Variants in KCNIP4 observed in about 807,000 individuals in gnomAD.
KCNIP4 encodes the protein Kv channel-interacting protein 4.
A neutral mutation model predicts 34.0 loss-of-function variants in KCNIP4; 12 were observed. That is an observed-to-expected ratio of 0.35 (90% CI 0.23 to 0.57). The LOEUF (loss-of-function observed/expected upper bound fraction) is 0.57. Among genes scored for constraint, KCNIP4 ranks in the 20% least tolerant of loss-of-function variants. KCNIP4 has a pLI of 0.83. For missense variants in KCNIP4, 238 were observed against 311.7 expected, an observed-to-expected ratio of 0.76 and a Z score of 1.78; for synonymous variants, 124 against 102.2, an observed-to-expected ratio of 1.21 and a Z score of -1.29.
At chr4:21,437,313 C>T (rs548963049) in intron 1 of KCNIP4, among the ~76,000 whole-genome samples, 1 of 152,192 alleles carries the variant, frequency 6.6e-6, no homozygotes, top group African/African-American at 2.4e-5. Flanking sequence ...ACAATAACAA[C>T]AAAAAATTTC....
At chr4:21,431,320 C>G (rs904776911) in intron 1 of KCNIP4, among the ~76,000 whole-genome samples, 2 of 151,984 alleles carry the variant, frequency 1.3e-5, no homozygotes, top group African/African-American at 4.8e-5. Context: ...TTCTTGAGAA[C>G]ATTCCAACCA....
At chr4:21,016,049 T>C (rs942890399) in intron 1 of KCNIP4, among the ~76,000 whole-genome samples, 5 of 147,564 alleles carry the variant, frequency 3.4e-5, no homozygotes, top group Non-Finnish European at 6.0e-5. Flanking sequence ...AAAAAACAAA[T>C]TGAAATTACA....
chr4:21,095,239 G>A (rs1747359495), intron 1 of KCNIP4, among the ~76,000 whole-genome samples: 1 of 152,220 alleles, frequency 6.6e-6, no homozygotes, highest in African/African-American at 2.4e-5. Flanking sequence ...CACAGGGAAT[G>A]TAGTGAGCAA....
chr4:21,287,155 A>AGT (rs1763170805), intron 1 of KCNIP4, among the ~76,000 whole-genome samples: 1 of 152,216 alleles, frequency 6.6e-6, no homozygotes, highest in Non-Finnish European at 1.5e-5. Flanking sequence ...TTGCTCCAGT[A>AGT]GTGCTATACT....
chr4:21,145,158 G>A (rs765664054), intron 1 of KCNIP4, among the ~76,000 whole-genome samples: 67 of 151,956 alleles, frequency 4.4e-4, no homozygotes, highest in Non-Finnish European at 8.5e-4. Context: ...ACCCTTCCCC[G>A]CTCTAAACTC....
chr4:21,115,073 T>A, intron 1 of KCNIP4, among the ~76,000 whole-genome samples: 1 of 152,214 alleles, frequency 6.6e-6, no homozygotes, highest in Non-Finnish European at 1.5e-5. Context: ...CTTAAAGTTC[T>A]TACAAGGGCC....
At chr4:20,836,824 T>C (rs1025480726) in intron 3 of KCNIP4, among the ~76,000 whole-genome samples, 4 of 152,080 alleles carry the variant, frequency 2.6e-5, no homozygotes, top group African/African-American at 9.7e-5. Context: ...CATCATACTT[T>C]CCTTAGGTCT....
intron 1 of KCNIP4, among the ~76,000 whole-genome samples, chr4:21,519,730 GTATA>G (rs750066720): frequency 4.2e-5 from 5 of 119,426 alleles, no homozygotes; most frequent in East Asian, 3.0e-4. Flanking sequence ...ACACACGTGT[GTATA>G]TGTATGATAC....
intron 1 of KCNIP4, among the ~76,000 whole-genome samples, chr4:21,234,418 T>TATATATTACATATAACGTATACA (rs1759168758): frequency 1.1e-5 from 1 of 94,656 alleles, no homozygotes; most frequent in African/African-American, 6.6e-5. Flanking sequence ...TAACATATAC[T>TATATATTACATATAACGTATACA]ATATATATTA....
intron 1 of KCNIP4, among the ~76,000 whole-genome samples, chr4:21,308,622 C>A (rs1712755733): frequency 6.6e-6 from 1 of 152,132 alleles, no homozygotes; most frequent in African/African-American, 2.4e-5. Context: ...GCATAAGTAA[C>A]CCAACACTTG....
At chr4:21,641,076 T>C (rs1484395648) in intron 1 of KCNIP4, among the ~76,000 whole-genome samples, 1 of 152,228 alleles carries the variant, frequency 6.6e-6, no homozygotes. Flanking sequence ...GGCCGTTACC[T>C]GTCCTACCAC....
chr4:21,354,336 TA>T (rs1482457946), intron 1 of KCNIP4, among the ~76,000 whole-genome samples: 2 of 152,268 alleles, frequency 1.3e-5, no homozygotes, highest in Non-Finnish European at 2.9e-5. Context: ...ATGCCCCAAT[TA>T]AAAGACATAG....
chr4:21,282,459 AGTGTGTGTGTGTGTGTGT>A (rs34143880), intron 1 of KCNIP4, among the ~76,000 whole-genome samples: 13 of 146,736 alleles, frequency 8.9e-5, no homozygotes, highest in African/African-American at 3.2e-4. Flanking sequence ...AAGATGTGTG[AGTGTGTGTGTGTGTGTGT>A]GTGTGTGTGT....
Position 21,339,088 on chromosome 4 carries a change from T to C in KCNIP4, c.62-456379A>G, listed in dbSNP as rs1197321980. On this transcript the variant is annotated intron_variant, in intron 1 of 8. Coordinates refer to ENST00000382152, the MANE Select transcript of KCNIP4 (RefSeq NM_025221.6). ...CCTTGATTCCTACCAGGATCCACAA[T>C]GGGATTGCTCTTAAATAGGCAAGTG... Among the ~76,000 whole-genome samples the C allele has an allele frequency of 2.0e-5, 3 of 152,220 alleles. No individual in the cohort carries two copies. In the South Asian group the frequency reaches 6.2e-4, roughly 32 times the overall value.
At chr4:21,086,942 TCTCC>T (rs1478001095) in intron 1 of KCNIP4, among the ~76,000 whole-genome samples, 164 of 149,294 alleles carry the variant, frequency 1.1e-3, no homozygotes, top group African/African-American at 3.9e-3. Context: ...TTTCTTTCTT[TCTCC>T]CTCCCTCCCT....
At chr4:21,857,884 G>A (rs1171512430) in intron 1 of KCNIP4, among the ~76,000 whole-genome samples, 3 of 152,194 alleles carry the variant, frequency 2.0e-5, no homozygotes, top group East Asian at 3.9e-4. Context: ...CCAAGCCAGG[G>A]CTGTGACACC....
intron 1 of KCNIP4, among the ~76,000 whole-genome samples, chr4:21,350,227 C>T (rs1223051017): frequency 6.6e-6 from 1 of 152,130 alleles, no homozygotes; most frequent in Non-Finnish European, 1.5e-5. Flanking sequence ...AGTCCAAAGA[C>T]TACTTGAGTC....
At chr4:21,563,712 A>G (rs1313339982) in intron 1 of KCNIP4, among the ~76,000 whole-genome samples, 2 of 152,130 alleles carry the variant, frequency 1.3e-5, no homozygotes, top group Non-Finnish European at 2.9e-5. Flanking sequence ...GAGAATTCAG[A>G]GACAGGGAAA....
chr4:21,670,176 A>C (rs930395381), intron 1 of KCNIP4, among the ~76,000 whole-genome samples: 1 of 152,098 alleles, frequency 6.6e-6, no homozygotes, highest in Non-Finnish European at 1.5e-5. Context: ...AACACAACAA[A>C]CATGTTTCCT....
Sources: allele counts gnomAD v4.1 joint callset (sites outside exome capture counted in the v4.1 genomes callset), GRCh38; gene constraint gnomAD v4.1.1; transcripts MANE v1.5; gene names NCBI Gene and HGNC (gene_info 2026-07-23, HGNC 2026-07-21).